The following COL14A1 variants were observed in gnomAD, a reference collection of about 807,000 sequenced individuals.
COL14A1 encodes the protein collagen type XIV alpha 1 chain.
In COL14A1, 136 loss-of-function variants were observed where a neutral mutation model predicts 230.3. That is an observed-to-expected ratio of 0.59 (90% CI 0.51 to 0.68). The LOEUF (loss-of-function observed/expected upper bound fraction) is 0.68, where lower values mean the gene tolerates loss of function less well. COL14A1 is among the 30% of genes least tolerant of loss of function. The probability of loss-of-function intolerance (pLI) is 0.00; values close to 1 mark genes in which losing one functional copy is unlikely to be tolerated. For missense variants in COL14A1, 1,976 were observed against 2,215.8 expected (o/e 0.89, Z 2.17); for synonymous variants, 792 against 784.1 (o/e 1.01, Z -0.17).
intron 27 of COL14A1, 70 bp from the exon 28 acceptor site, chr8:120,278,365 C>A: frequency 3.2e-6 from 5 of 1,557,114 alleles, no homozygotes; most frequent in Non-Finnish European, 3.5e-6. Context: ...ACTTTGTTCC[C>A]ACCCTTTCTT....
In COL14A1 at chr8:120,347,368, T is replaced by C. The variant is rs368057570; in HGVS notation, c.5077+1805T>C. On this transcript the variant is annotated intron_variant, in intron 45 of 47. Transcript: ENST00000297848. ...CTATATTTCACAAATGCATAAAAGATGACAGTAAGACAGAAAGTGAGAAAT... is the reference window on the plus strand; with the variant it reads ...CTATATTTCACAAATGCATAAAAGACGACAGTAAGACAGAAAGTGAGAAAT... Among the ~76,000 whole-genome samples, 158 of 152,252 alleles carry C rather than the reference T, an allele frequency of 1.0e-3. 4 individuals carry two copies. The South Asian group carries it at 0.022, about 21-fold the overall frequency.
At chr8:120,207,936 A>G (rs1817493876) in intron 10 of COL14A1, among the ~76,000 whole-genome samples, 1 of 152,154 alleles carries the variant, frequency 6.6e-6, no homozygotes, top group Non-Finnish European at 1.5e-5. Flanking sequence ...CTATGGAAAA[A>G]TATCATGTTT....
intron 5 of COL14A1, among the ~76,000 whole-genome samples, chr8:120,177,561 A>G (rs564738115): frequency 6.8e-6 from 1 of 147,346 alleles, no homozygotes; most frequent in East Asian, 2.1e-4. Context: ...AGGCAGGAGA[A>G]TTGCTTGAAC....
At chr8:120,171,961 G>A (rs1816106124) in intron 5 of COL14A1, among the ~76,000 whole-genome samples, 1 of 151,830 alleles carries the variant, frequency 6.6e-6, no homozygotes, top group Non-Finnish European at 1.5e-5. Flanking sequence ...AATCTAGCCT[G>A]TTCTTTTCAA....
intron 9 of COL14A1, 101 bp from the exon 10 acceptor site, chr8:120,206,842 G>A: frequency 8.7e-7 from 1 of 1,154,646 alleles, no homozygotes; most frequent in South Asian, 1.8e-5. Context: ...AATCTTAGAG[G>A]CAGCATAAAA....
chr8:120,329,086 A>G (rs936937113), intron 40 of COL14A1, among the ~76,000 whole-genome samples: 4 of 152,188 alleles, frequency 2.6e-5, no homozygotes, highest in African/African-American at 9.7e-5. Context: ...CCCAGGGTCC[A>G]TTTTTCTAAG....
rs756007698 is a variant in COL14A1 at position 120,197,793 on chromosome 8, C to G, written c.593-18C>G. 3 of 1,596,514 alleles carry G rather than the reference C, an allele frequency of 1.9e-6. No individual in the cohort carries two copies. The East Asian group carries it at 6.7e-5, about 36-fold the overall frequency. On this transcript the variant is annotated intron_variant, in intron 6 of 47. Coordinates refer to ENST00000297848, the MANE Select transcript of COL14A1 (RefSeq NM_021110.4). ...GTAACCCATTATTCCTGGTGCGTTT[C>G]CTAATCTTTTTTTCCAGGTCTTGCA...
intron 1 of COL14A1, among the ~76,000 whole-genome samples, chr8:120,134,401 T>A (rs4271006): frequency 2.6e-5 from 4 of 152,030 alleles, no homozygotes; most frequent in African/African-American, 9.7e-5. Context: ...TAAGTGGTAT[T>A]GGACTAATTG....
intron 21 of COL14A1, among the ~76,000 whole-genome samples, chr8:120,249,495 A>G (rs1173833785): frequency 6.6e-6 from 1 of 152,198 alleles, no homozygotes; most frequent in African/African-American, 2.4e-5. Context: ...AATTTGTAAG[A>G]CAGCCTTGCT....
intron 32 of COL14A1, 44 bp from the exon 33 acceptor site, chr8:120,285,817 C>A: frequency 7.9e-7 from 1 of 1,265,794 alleles, no homozygotes; most frequent in South Asian, 1.4e-5. Context: ...CAAAATTCAC[C>A]TACTTTAATT....
intron 2 of COL14A1, among the ~76,000 whole-genome samples, chr8:120,156,255 C>T (rs185952547): frequency 2.1e-3 from 314 of 151,994 alleles, no homozygotes; most frequent in Non-Finnish European, 3.4e-3. Context: ...CTGCAGTCTC[C>T]GCCTCCTGGA....
Position 120,263,060 on chromosome 8 carries a change from CAG to C in COL14A1, c.3016+48_3016+49del, listed in dbSNP as rs113993133. On this transcript the variant is annotated intron_variant, in intron 24 of 47. Transcript: ENST00000297848. Reference sequence around the variant, plus strand: ...CCTGATCCCTCTCCCCATGAACAAACAGAATTTCAGGCATCCTGTTTCCTTAT... The same window carrying C: ...CCTGATCCCTCTCCCCATGAACAAACAATTTCAGGCATCCTGTTTCCTTAT... 502 of 1,510,428 alleles carry C rather than the reference CAG, an allele frequency of 3.3e-4. 2 individuals carry two copies. In the African/African-American group the frequency reaches 5.0e-3, roughly 15 times the overall value. 93.6% of individuals were successfully genotyped at this position (1,510,428 alleles called of 1,614,324 possible).
chr8:120,164,630 C>T (rs1815803365), intron 4 of COL14A1, among the ~76,000 whole-genome samples: 1 of 152,194 alleles, frequency 6.6e-6, no homozygotes, highest in Non-Finnish European at 1.5e-5. Flanking sequence ...GCAAATTCAC[C>T]TGTCAGCAGG....
At chr8:120,356,588 T>C (rs548683962) in intron 45 of COL14A1, among the ~76,000 whole-genome samples, 2 of 152,134 alleles carry the variant, frequency 1.3e-5, no homozygotes, top group Non-Finnish European at 2.9e-5. Flanking sequence ...TTATGGGAGA[T>C]GGATATTAAG....
intron 14 of COL14A1, among the ~76,000 whole-genome samples, chr8:120,220,423 A>C (rs1817893287): frequency 6.6e-6 from 1 of 151,776 alleles, no homozygotes; most frequent in African/African-American, 2.4e-5. Flanking sequence ...ATAGGCACGC[A>C]CCACCACGCC....
intron 2 of COL14A1, among the ~76,000 whole-genome samples, chr8:120,151,942 A>G (rs190946783): frequency 1.3e-5 from 2 of 152,260 alleles, no homozygotes; most frequent in Admixed American, 1.3e-4. Context: ...AGATGGAAAG[A>G]GACCACAAGT....
rs563379399 is a variant in COL14A1 at position 120,339,313 on chromosome 8, AG to A, written c.4786-2009del. On this transcript the variant is annotated intron_variant, in intron 42 of 47. Transcript: ENST00000297848. ...GCCATCTTCTGTCTTTTTTACAGTC[AG>A]GGTAGTTGAAATGAAGCACAAATTG... 2.5e-3 allele frequency among the ~76,000 whole-genome samples: 379 copies of A among 152,314 alleles called. 2 individuals are homozygous for A. Among genetic ancestry groups the A allele is most frequent in the African/African-American group, 8.7e-3 (363 of 41,572 alleles).
At chr8:120,268,388 AAT>A (rs1333470678) in intron 25 of COL14A1, among the ~76,000 whole-genome samples, 64 of 151,772 alleles carry the variant, frequency 4.2e-4, no homozygotes, top group Admixed American at 7.2e-4. Context: ...GATATTACAG[AAT>A]GCTCTGTAAT....
chr8:120,243,672 T>C lies in COL14A1; in HGVS notation c.2350-207T>C, dbSNP rs540997907. Among the ~76,000 whole-genome samples, 4 of 149,332 alleles carry C rather than the reference T, an allele frequency of 2.7e-5. No homozygotes were observed. In the South Asian group the frequency reaches 8.6e-4, roughly 32 times the overall value. On this transcript the variant is annotated intron_variant, in intron 19 of 47. Coordinates refer to ENST00000297848, the MANE Select transcript of COL14A1 (RefSeq NM_021110.4). The stretch of plus-strand genomic sequence containing the variant: ...AGCTTAAGAGTGTCAAATTTAAACC[T>C]TCTGTATTAGTGATTATAAACTAAG...
Sources: allele counts gnomAD v4.1 joint callset (sites outside exome capture counted in the v4.1 genomes callset), GRCh38; gene constraint gnomAD v4.1.1; transcripts MANE v1.5; gene names NCBI Gene and HGNC (gene_info 2026-07-23, HGNC 2026-07-21).